The following PLA2G4C variants were observed in gnomAD, a reference collection of about 807,000 sequenced individuals.
The protein encoded by PLA2G4C is cytosolic phospholipase A2 gamma.
PLA2G4C carries 64 observed loss-of-function variants against 73.8 expected under a neutral mutation model. The observed-to-expected ratio is 0.87, with a 90% CI of 0.71 to 1.07. The LOEUF (loss-of-function observed/expected upper bound fraction) is 1.07, where lower values mean the gene tolerates loss of function less well. PLA2G4C is among the 50% of genes least tolerant of loss of function. The pLI, the probability that PLA2G4C is intolerant of heterozygous loss-of-function variation, is 0.00. For missense variants in PLA2G4C, 622 were observed against 665.4 expected (o/e 0.93, Z 0.72); for synonymous variants, 254 against 252.1 (o/e 1.01, Z -0.07).
chr19:48,048,470 G>A (rs921924270), intron 16 of PLA2G4C, 82 bp from the exon 17 acceptor site: 8 of 875,052 alleles, frequency 9.1e-6, no homozygotes, highest in Non-Finnish European at 1.4e-5. Flanking sequence ...AGACCTGGAA[G>A]CCTCTACAGG....
At chr19:48,068,461 T>C (rs1190735244) in intron 12 of PLA2G4C, among the ~76,000 whole-genome samples, 1 of 151,812 alleles carries the variant, frequency 6.6e-6, no homozygotes, top group African/African-American at 2.4e-5. Flanking sequence ...GGTGGGAGGA[T>C]TGCTTGAGCC....
intron 14 of PLA2G4C, among the ~76,000 whole-genome samples, chr19:48,058,248 G>C (rs945523970): frequency 6.6e-6 from 1 of 151,546 alleles, no homozygotes; most frequent in African/African-American, 2.4e-5. Flanking sequence ...GTGGCAAGCC[G>C]ATATCGTGCC....
At chr19:48,103,557 C>T (rs2032022234) in intron 4 of PLA2G4C, 1 of 152,334 alleles carries the variant, frequency 6.6e-6, no homozygotes, top group Non-Finnish European at 1.5e-5. Flanking sequence ...CTAGCCTTAC[C>T]TCCTGCTCTG....
chr19:48,066,176 C>T (rs1232854631), intron 13 of PLA2G4C, among the ~76,000 whole-genome samples: 2 of 151,940 alleles, frequency 1.3e-5, no homozygotes, highest in Non-Finnish European at 2.9e-5. Flanking sequence ...GAGGCATGTC[C>T]GACCCCCACT....
At chr19:48,073,771 G>A (rs1376977402) in intron 12 of PLA2G4C, among the ~76,000 whole-genome samples, 4 of 151,892 alleles carry the variant, frequency 2.6e-5, no homozygotes, top group Non-Finnish European at 4.4e-5. Context: ...ATCACTTGCC[G>A]AGAGCAGGAG....
intron 1 of PLA2G4C, 37 bp downstream of exon 1, chr19:48,110,450 G>A (rs2032437366): frequency 6.8e-7 from 1 of 1,463,900 alleles, no homozygotes; most frequent in Non-Finnish European, 9.0e-7. Flanking sequence ...GGCCGCCCCA[G>A]CGGGATGAAA....
chr19:48,110,551 A>AGGCTTGGGCTCCGGAATCCGGTGCGGC lies in PLA2G4C; in HGVS notation c.-98_-97insGCCGCACCGGATTCCGGAGCCCAAGCC. The AGGCTTGGGCTCCGGAATCCGGTGCGGC allele has an allele frequency of 6.6e-7, 1 of 1,519,902 alleles. No homozygotes were observed. The highest frequency in any genetic ancestry group is 8.8e-7 in the Non-Finnish European group (1 of 1,136,650). 94.2% of individuals were successfully genotyped at this position (1,519,902 alleles called of 1,614,324 possible). A position where few individuals can be genotyped will look rare whatever the true frequency, so the allele number is the denominator to read the frequency against. On this transcript the variant is annotated 5_prime_UTR_variant, in exon 1 of 17. Transcript: ENST00000599921. ...GCTTGTGCTCCGGAATCCGGTGCGG[A>AGGCTTGGGCTCCGGAATCCGGTGCGGC]GGCTTGGGCTCCCTGCGCTTAGCGG...
chr19:48,104,378 T>G (rs1600261079), intron 4 of PLA2G4C: 1 of 483,256 alleles, frequency 2.1e-6, no homozygotes. Context: ...GTGGGAGCAG[T>G]TTTTTGGGAC....
At chr19:48,099,903 G>A (rs1490346331) in intron 4 of PLA2G4C, 43 bp from the exon 5 acceptor site, 2 of 1,390,868 alleles carry the variant, frequency 1.4e-6, no homozygotes, top group Non-Finnish European at 1.0e-6. Context: ...TTTTAAGTGT[G>A]GACGATGAAG....
chr19:48,074,971 G>A (rs577906227), intron 11 of PLA2G4C, 97 bp from the exon 12 acceptor site: 92 of 779,542 alleles, frequency 1.2e-4, no homozygotes, highest in East Asian at 5.8e-4. Context: ...AATGCCCTGC[G>A]GTTCCTCCTG....
At chr19:48,052,918 G>A (rs1967779300) in intron 16 of PLA2G4C, 79 bp downstream of exon 16, 1 of 1,472,052 alleles carries the variant, frequency 6.8e-7, no homozygotes, top group Non-Finnish European at 9.2e-7. Context: ...CAACCCTCCT[G>A]CCTGTTGCAG....
Position 48,048,374 on chromosome 19 carries a change from T to C in PLA2G4C, c.1595A>G (p.Lys532Arg), listed in dbSNP as rs757925028. 6.3e-7 allele frequency: 1 copy of C among 1,595,898 alleles called. No homozygotes were observed. The highest frequency in any genetic ancestry group is 1.8e-5 in the Admixed American group (1 of 55,094). ...CAAGCAGCAACTTCGGGCACTATCC[T>C]TCGGGTAGTAGAGCCTGGGGAGAAA... Reference protein sequence around the residue: ...LMNVAGLYYPKDSARSCCLA With the variant: ...LMNVAGLYYPRDSARSCCLA Residue 532 changes from lysine (K) to arginine (R), a missense_variant, in exon 17 of 17, where the codon AAG (lysine) becomes AGG (arginine). Transcript: ENST00000599921.
chr19:48,054,469 A>AT (rs1337053448), intron 15 of PLA2G4C, among the ~76,000 whole-genome samples: 2 of 143,658 alleles, frequency 1.4e-5, no homozygotes, highest in African/African-American at 5.6e-5. Context: ...AAGCCCAGCA[A>AT]TTTATTTTTT....
rs201965837 is a variant in PLA2G4C, at chr19:48,093,185, C to T, written c.709+2279G>A. Among the ~76,000 whole-genome samples, 5 of 152,214 alleles carry T rather than the reference C, an allele frequency of 3.3e-5. No individual in the cohort carries two copies. The East Asian group carries it at 9.7e-4, about 29-fold the overall frequency. On this transcript the variant is annotated intron_variant, in intron 7 of 16. Transcript: ENST00000599921. ...AGACCAGAGAAAAGGGGAAGATCCC[C>T]TTCATCCTACCTTGTTCTCCTCCCC...
chr19:48,055,019 G>C lies in PLA2G4C; in HGVS notation c.1288C>G (p.Arg430Gly). 1.2e-6 allele frequency: 2 copies of C among 1,612,424 alleles called. No individual in the cohort carries two copies. Among genetic ancestry groups the C allele is most frequent in the Non-Finnish European group, 1.7e-6 (2 of 1,179,534 alleles). The change falls in exon 15 of 17, where the codon CGC becomes GGC. Residue 430 changes from arginine to glycine, a missense_variant. Arg to Gly is a moderately radical substitution (Grantham distance 125). Transcript: ENST00000599921. Reference protein sequence around the residue: ...TIRATTDYCRRHKIPFPQVEE... With the variant: ...TIRATTDYCRGHKIPFPQVEE... The stretch of plus-strand genomic sequence containing the variant: ...ACTTGGGGAAAGGGGATCTTGTGGC[G>C]GCGGCAGTAGTCAGTGGTAGCCCGG...
chr19:48,090,089 A>G (rs980600807), intron 8 of PLA2G4C: 1 of 435,732 alleles, frequency 2.3e-6, no homozygotes, highest in Non-Finnish European at 4.1e-6. Flanking sequence ...CGCATGGCAC[A>G]GAGGCAGAAA....
Position 48,098,223 on chromosome 19 carries a change from C to A in PLA2G4C, c.484G>T (p.Val162Leu), listed in dbSNP as rs189489992. ...GGGTAGGGTAGTGTCCCTTCTTCCA[C>A]GGGCTTCTTCATATTGGACAAATGA... Reference protein sequence around the residue: ...ESHLSNMKKPVEEGTLPYPIF... With the variant: ...ESHLSNMKKPLEEGTLPYPIF... Residue 162 changes from valine (V) to leucine (L), a missense_variant, in exon 6 of 17, where the codon GTG becomes TTG. Coordinates refer to ENST00000599921, the MANE Select transcript of PLA2G4C (RefSeq NM_003706.3). 2.5e-6 allele frequency: 4 copies of A among 1,613,432 alleles called. No individual in the cohort carries two copies. The highest frequency in any genetic ancestry group is 3.4e-6 in the Non-Finnish European group (4 of 1,179,746).
intron 14 of PLA2G4C, among the ~76,000 whole-genome samples, chr19:48,056,264 C>T (rs763878475): frequency 4.3e-4 from 66 of 151,994 alleles, no homozygotes; most frequent in African/African-American, 1.4e-3. Context: ...AAGATCAATG[C>T]GGGCCAGGCG....
In PLA2G4C at chr19:48,099,755, C is replaced by T; in HGVS notation, c.363G>A (p.Gln121=). Reference sequence around the variant, plus strand: ...CAGACCTCGCTGCTTGGATGGTTTTCTGTAGGCTCTTAGCCAAGTCCCACT... The same window carrying T: ...CAGACCTCGCTGCTTGGATGGTTTTTTGTAGGCTCTTAGCCAAGTCCCACT... ...RQEWDLAKSL[Q]KTIQAARSEN... The change falls in exon 5 of 17, where the codon CAG becomes CAA. Residue 121 remains glutamine (Q), a synonymous_variant. Transcript: ENST00000599921. The T allele has an allele frequency of 6.2e-7, 1 of 1,614,106 alleles. No individual in the cohort carries two copies. The highest frequency in any genetic ancestry group is 8.5e-7 in the Non-Finnish European group (1 of 1,179,984).
Sources: allele counts gnomAD v4.1 joint callset (sites outside exome capture counted in the v4.1 genomes callset), GRCh38; gene constraint gnomAD v4.1.1; transcripts MANE v1.5; gene names NCBI Gene and HGNC (gene_info 2026-07-23, HGNC 2026-07-21).